Variants in MED15 observed in about 807,000 individuals in gnomAD.
MED15 encodes the protein mediator of RNA polymerase II transcription subunit 15.
In MED15, 41 loss-of-function variants were observed where a neutral mutation model predicts 118.7. The ratio of observed to expected loss-of-function variants is 0.35; its 90% CI spans 0.27 to 0.45. MED15 has a LOEUF of 0.45. Ranked by LOEUF, MED15 falls within the 20% of genes least tolerant of loss-of-function variation. MED15 has a pLI of 1.00. For missense variants in MED15, 740 were observed against 1,025.5 expected, an observed-to-expected ratio of 0.72 and a Z score of 3.80; for synonymous variants, 436 against 413.9, an observed-to-expected ratio of 1.05 and a Z score of -0.65.
intron 1 of MED15, among the ~76,000 whole-genome samples, chr22:20,520,751 T>C (rs1319451644): frequency 1.3e-5 from 2 of 152,072 alleles, no homozygotes; most frequent in African/African-American, 4.8e-5. Flanking sequence ...TGCCATCTTT[T>C]TTTCGAGACA....
In MED15 at chr22:20,585,526, G is replaced by A. The variant is rs376954434; in HGVS notation, c.2132-202G>A. 6 of 684,072 alleles carry A rather than the reference G, an allele frequency of 8.8e-6. No homozygotes were observed. The East Asian group carries it at 1.4e-4, about 16-fold the overall frequency. The allele number at this position is 684,072 out of a possible 1,614,324, so 42.4% of individuals were successfully genotyped here. On this transcript the variant is annotated intron_variant, in intron 16 of 17. Coordinates refer to ENST00000263205, the MANE Select transcript of MED15 (RefSeq NM_001003891.3). The stretch of plus-strand genomic sequence containing the variant: ...TTGCCTGGGCCCTAGGGAGGTGGTA[G>A]GCAGGACCTCTGGGCACCCATCAAT...
At position 20,566,555 on chromosome 22, in the gene MED15, A is replaced by G. The variant is rs1569229905; in HGVS notation, c.779A>G (p.Gln260Arg). Residue 260 changes from glutamine to arginine, a missense_variant, in exon 7 of 18, where the codon CAG (glutamine) becomes CGG (arginine). Coordinates refer to ENST00000263205, the MANE Select transcript of MED15 (RefSeq NM_001003891.3). ...CAGCAGCAGCAGCAGCAGCAGCAGC[A>G]GCAGCAGGCTTTGCAGGCCCAGCCA... ...QQQQQQQQQQ[Q>R]QQALQAQPPI... 1 of 1,613,286 alleles carries G rather than the reference A, an allele frequency of 6.2e-7. No individual in the cohort carries two copies. The highest frequency in any genetic ancestry group is 1.1e-5 in the South Asian group (1 of 91,060).
chr22:20,527,090 C>T (rs895016366), intron 1 of MED15, among the ~76,000 whole-genome samples: 1 of 152,128 alleles, frequency 6.6e-6, no homozygotes, highest in Non-Finnish European at 1.5e-5. Flanking sequence ...TGCTAGCTCT[C>T]AGCCTCATAT....
intron 2 of MED15, among the ~76,000 whole-genome samples, chr22:20,544,747 C>A (rs556010149): frequency 5.6e-4 from 85 of 152,186 alleles, no homozygotes; most frequent in Non-Finnish European, 1.0e-3. Flanking sequence ...GTAAAAATCG[C>A]AGTGGCAGCA....
intron 8 of MED15, among the ~76,000 whole-genome samples, chr22:20,570,340 A>G (rs932277787): frequency 6.6e-6 from 1 of 151,156 alleles, no homozygotes; most frequent in African/African-American, 2.4e-5. Flanking sequence ...TCTGTACCGC[A>G]GGTCAAGCCC....
chr22:20,551,101 A>AC, intron 2 of MED15: 1 of 539,338 alleles, frequency 1.9e-6, no homozygotes, highest in Non-Finnish European at 3.7e-6. Flanking sequence ...GCGCCTCATC[A>AC]CCCCCAACCT....
chr22:20,545,831 A>T (rs1424773878), intron 2 of MED15, among the ~76,000 whole-genome samples: 1 of 152,144 alleles, frequency 6.6e-6, no homozygotes, highest in East Asian at 1.9e-4. Flanking sequence ...GGTATTTCAA[A>T]ATCTATTAGG....
At chr22:20,508,311 T>A in intron 1 of MED15, 2 of 1,303,622 alleles carry the variant, frequency 1.5e-6, no homozygotes, top group Non-Finnish European at 2.0e-6. Context: ...TCGTCGTTTC[T>A]GGAGGAGAGC....
chr22:20,542,998 C>A (rs2055370653), intron 2 of MED15, among the ~76,000 whole-genome samples: 1 of 152,084 alleles, frequency 6.6e-6, no homozygotes, highest in African/African-American at 2.4e-5. Context: ...CAGTAAATCT[C>A]CTAGTTTTAG....
intron 1 of MED15, among the ~76,000 whole-genome samples, chr22:20,520,790 T>G (rs2054419455): frequency 6.6e-6 from 1 of 151,978 alleles, no homozygotes; most frequent in African/African-American, 2.4e-5. Flanking sequence ...CAGGGTAGAG[T>G]GCAGTGGTAC....
intron 7 of MED15, among the ~76,000 whole-genome samples, chr22:20,567,890 CTCTG>C (rs1323824390): frequency 1.3e-5 from 2 of 152,026 alleles, no homozygotes; most frequent in Non-Finnish European, 2.9e-5. Context: ...AAGACAGGGT[CTCTG>C]TTTTCCAGGC....
chr22:20,583,022 C>G, intron 11 of MED15, 55 bp downstream of exon 11: 1 of 1,583,844 alleles, frequency 6.3e-7, no homozygotes, highest in South Asian at 1.1e-5. Context: ...GGCCTCAGCT[C>G]ATACTGGGTG....
chr22:20,544,970 G>A (rs572008107), intron 2 of MED15, among the ~76,000 whole-genome samples: 31 of 152,172 alleles, frequency 2.0e-4, no homozygotes, highest in African/African-American at 7.5e-4. Context: ...TGCACTTGGG[G>A]TCCACCCGCA....
At chr22:20,560,107 T>TC in intron 5 of MED15, among the ~76,000 whole-genome samples, 1 of 151,710 alleles carries the variant, frequency 6.6e-6, no homozygotes. Flanking sequence ...TACAGGTCAG[T>TC]CCCCCCAACA....
intron 5 of MED15, among the ~76,000 whole-genome samples, chr22:20,563,204 T>C (rs771759763): frequency 2.3e-4 from 35 of 152,334 alleles, no homozygotes; most frequent in Middle Eastern, 3.4e-3. Flanking sequence ...TCTTGGGTAT[T>C]TTTCCTAGAG....
chr22:20,581,667 G>A (rs2146669207), intron 9 of MED15, among the ~76,000 whole-genome samples: 1 of 152,266 alleles, frequency 6.6e-6, no homozygotes, highest in African/African-American at 2.4e-5. Flanking sequence ...AGGGCTGGCA[G>A]GCAGCTGTTC....
chr22:20,556,499 C>T (rs962248524), intron 5 of MED15, among the ~76,000 whole-genome samples: 2 of 152,094 alleles, frequency 1.3e-5, no homozygotes, highest in African/African-American at 4.8e-5. Context: ...GGGGTTTCAC[C>T]ATGTTGGCCA....
At chr22:20,544,356 C>T (rs1358883077) in intron 2 of MED15, among the ~76,000 whole-genome samples, 1 of 152,174 alleles carries the variant, frequency 6.6e-6, no homozygotes, top group Non-Finnish European at 1.5e-5. Flanking sequence ...TTACTACAAG[C>T]TTGGTGGCTT....
intron 2 of MED15, among the ~76,000 whole-genome samples, chr22:20,539,287 T>TG (rs140034483): frequency 0.03 from 4,511 of 151,836 alleles, 225 homozygotes; most frequent in African/African-American, 0.1. Flanking sequence ...TTAGTAGAGA[T>TG]GGGTTTTGCA....
Sources: allele counts gnomAD v4.1 joint callset (sites outside exome capture counted in the v4.1 genomes callset), GRCh38; gene constraint gnomAD v4.1.1; transcripts MANE v1.5; gene names NCBI Gene and HGNC (gene_info 2026-07-23, HGNC 2026-07-21).